DPYSL2: variants seen among roughly 807,000 people sequenced by gnomAD.
The protein encoded by DPYSL2 is dihydropyrimidinase-related protein 2.
A neutral mutation model predicts 69.9 loss-of-function variants in DPYSL2; 13 were observed. That is an observed-to-expected ratio of 0.19 (90% CI 0.12 to 0.30). DPYSL2 has a LOEUF of 0.30. Among genes scored for constraint, DPYSL2 ranks in the 10% least tolerant of loss-of-function variants. The pLI, the probability that DPYSL2 is intolerant of heterozygous loss-of-function variation, is 1.00. For missense variants in DPYSL2, 587 were observed against 918.9 expected (o/e 0.64, Z 4.67); for synonymous variants, 326 against 359.1 (o/e 0.91, Z 1.04).
In DPYSL2 at chr8:26,653,766, C is replaced by T. The variant is rs1459254600; in HGVS notation, c.1942+369C>T. Among the ~76,000 whole-genome samples the T allele has an allele frequency of 6.6e-6, 1 of 152,076 alleles. No homozygotes were observed. The highest frequency in any genetic ancestry group is 1.5e-5 in the Non-Finnish European group (1 of 68,022). ...AGAGACGGAGTATCACCATGTTGGC[C>T]AGGCTGATAGAACTCCTGACTTCAG... On this transcript the variant is annotated intron_variant, in intron 13 of 13. Transcript: ENST00000521913. This position sits in a 1 kb window ranked among gnomAD's most constrained non-coding sequence, Gnocchi z 5.7.
chr8:26,622,819 T>C (rs1186368217), intron 3 of DPYSL2, among the ~76,000 whole-genome samples: 1 of 152,232 alleles, frequency 6.6e-6, no homozygotes, highest in East Asian at 1.9e-4. Context: ...GATCAGAATT[T>C]AGCAGTATCT....
Position 26,643,257 on chromosome 8 carries a change from G to T in DPYSL2, c.1127-182G>T. On this transcript the variant is annotated intron_variant, in intron 8 of 13. Coordinates refer to ENST00000521913, the MANE Select transcript of DPYSL2 (RefSeq NM_001197293.3). This position sits in a 1 kb window ranked among gnomAD's most constrained non-coding sequence, Gnocchi z 6.5. ...TGGAATCTTGGGGAGCTCATGACAG[G>T]CTGGCAGAGGTACTGAATTTCTCCA... The T allele has an allele frequency of 1.7e-6, 1 of 575,158 alleles. No individual in the cohort carries two copies. Among genetic ancestry groups the T allele is most frequent in the South Asian group, 3.0e-5 (1 of 33,810 alleles). The allele number at this position is 575,158 out of a possible 1,614,324, so 35.6% of individuals were successfully genotyped here.
intron 1 of DPYSL2, among the ~76,000 whole-genome samples, chr8:26,534,230 G>C (rs2117615050): frequency 6.6e-6 from 1 of 152,136 alleles, no homozygotes; most frequent in South Asian, 2.1e-4. Context: ...ACTCATGCTG[G>C]ATTGCAGTAG....
chr8:26,568,943 T>C (rs1368635971), intron 1 of DPYSL2, among the ~76,000 whole-genome samples: 1 of 152,160 alleles, frequency 6.6e-6, no homozygotes, highest in Non-Finnish European at 1.5e-5. Context: ...TGAGGCTTGA[T>C]GCTTCCCAAG....
intron 1 of DPYSL2, among the ~76,000 whole-genome samples, chr8:26,554,538 AT>A (rs761159867): frequency 6.6e-6 from 1 of 151,758 alleles, no homozygotes; most frequent in Non-Finnish European, 1.5e-5. Flanking sequence ...CCATATGTCA[AT>A]TTTTGCTTTT....
chr8:26,558,851 T>C (rs1205262731), intron 1 of DPYSL2, among the ~76,000 whole-genome samples: 3 of 152,246 alleles, frequency 2.0e-5, no homozygotes, highest in Non-Finnish European at 4.4e-5. Context: ...TAATACTATG[T>C]TGCACACATT....
Position 26,565,771 on chromosome 8 carries a change from G to C in DPYSL2, c.355-16198G>C, listed in dbSNP as rs1437233662. On this transcript the variant is annotated intron_variant, in intron 1 of 13. Coordinates refer to ENST00000521913, the MANE Select transcript of DPYSL2 (RefSeq NM_001197293.3). This position sits in a 1 kb window ranked among gnomAD's most constrained non-coding sequence, Gnocchi z 4.1. ...TGTTGAGTGGGCAGAGAAAGGTACA[G>C]GGTCCCCGCTCCATGCAATTAACTG... Among the ~76,000 whole-genome samples the C allele has an allele frequency of 6.6e-6, 1 of 152,158 alleles. No homozygotes were observed. The highest frequency in any genetic ancestry group is 1.5e-5 in the Non-Finnish European group (1 of 68,030).
rs1327888393 is a variant in DPYSL2 at position 26,580,269 on chromosome 8, C to G, written c.355-1700C>G. On this transcript the variant is annotated intron_variant, in intron 1 of 13. Coordinates refer to ENST00000521913, the MANE Select transcript of DPYSL2 (RefSeq NM_001197293.3). The surrounding 1 kb of genome is among the most constrained non-coding windows in gnomAD (Gnocchi z 4.1). ...GGAGAGAAGTGGAGGTCATTGTAGA[C>G]AGAGGACAAGTGCACTGATTTGAGT... Among the ~76,000 whole-genome samples, 1 of 152,152 alleles carries G rather than the reference C, an allele frequency of 6.6e-6. No homozygotes were observed. Among genetic ancestry groups the G allele is most frequent in the Non-Finnish European group, 1.5e-5 (1 of 68,024 alleles).
chr8:26,619,748 G>C lies in DPYSL2; in HGVS notation c.629-4395G>C, dbSNP rs1161725753. 2 of 152,402 alleles carry C rather than the reference G, an allele frequency of 1.3e-5. No individual in the cohort carries two copies. Among genetic ancestry groups the C allele is most frequent in the Admixed American group, 1.3e-4 (2 of 15,270 alleles). 9.4% of individuals were successfully genotyped at this position (152,402 alleles called of 1,614,324 possible). On this transcript the variant is annotated intron_variant, in intron 3 of 13. Coordinates refer to ENST00000521913, the MANE Select transcript of DPYSL2 (RefSeq NM_001197293.3). This position sits in a 1 kb window ranked among gnomAD's most constrained non-coding sequence, Gnocchi z 4.8. ...TTTTATGTTATTTTTTTGAGACAGG[G>C]TCTTGCTGTGTTGCCCAGGCTGGTC...
chr8:26,616,559 C>T (rs945692326), intron 3 of DPYSL2, among the ~76,000 whole-genome samples: 3 of 152,144 alleles, frequency 2.0e-5, no homozygotes, highest in African/African-American at 4.8e-5. Context: ...AGAATGAGGC[C>T]GTGACTATTT....
intron 1 of DPYSL2, among the ~76,000 whole-genome samples, chr8:26,543,675 C>T (rs1413136001): frequency 6.6e-6 from 1 of 152,164 alleles, no homozygotes; most frequent in Non-Finnish European, 1.5e-5. Context: ...TTAGTAGAGA[C>T]AGTGTTTCAC....
Position 26,602,138 on chromosome 8 carries a change from ATTTTTTT to A in DPYSL2, c.628+18170_628+18176del, listed in dbSNP as rs374443692. Among the ~76,000 whole-genome samples the A allele has an allele frequency of 9.2e-4, 124 of 135,302 alleles. 1 individual carries two copies. Among genetic ancestry groups the A allele is most frequent in the African/African-American group, 3.3e-3 (121 of 36,610 alleles). 88.8% of individuals were successfully genotyped at this position (135,302 alleles called of 152,430 possible). The stretch of plus-strand genomic sequence containing the variant: ...TTATAAATTTTATAAAACAAAGGAA[ATTTTTTT>A]TTTTTTTTTTTTTTATGTTGAGGGA... On this transcript the variant is annotated intron_variant, in intron 3 of 13. Transcript: ENST00000521913.
In DPYSL2 at chr8:26,658,140, A is replaced by G. The variant is rs1054394912; in HGVS notation, c.*2434A>G. On this transcript the variant is annotated 3_prime_UTR_variant, in exon 14 of 14. Transcript: ENST00000521913. This position sits in a 1 kb window ranked among gnomAD's most constrained non-coding sequence, Gnocchi z 4.7. ...CTTAAGAACTCTGTGTTATATTACCATGGAACGCCTAATAAAGCAAAATGT... is the reference window on the plus strand; with the variant it reads ...CTTAAGAACTCTGTGTTATATTACCGTGGAACGCCTAATAAAGCAAAATGT... 11 of 152,544 alleles carry G rather than the reference A, an allele frequency of 7.2e-5. No homozygotes were observed. The highest frequency in any genetic ancestry group is 2.4e-4 in the African/African-American group (10 of 41,408). 9.4% of individuals were successfully genotyped at this position (152,544 alleles called of 1,614,324 possible). A position where few individuals can be genotyped will look rare whatever the true frequency, so the allele number is the denominator to read the frequency against.
At position 26,643,354 on chromosome 8, in the gene DPYSL2, G is replaced by T. The variant is rs1803094106; in HGVS notation, c.1127-85G>T. 2 of 1,440,820 alleles carry T rather than the reference G, an allele frequency of 1.4e-6. No individual in the cohort carries two copies. The highest frequency in any genetic ancestry group is 4.7e-5 in the Admixed American group (2 of 42,826). 89.3% of individuals were successfully genotyped at this position (1,440,820 alleles called of 1,614,324 possible). A position where few individuals can be genotyped will look rare whatever the true frequency, so the allele number is the denominator to read the frequency against. ...AGGGATAGTGAGTGCACTGGGTGCT[G>T]CTGGGCAGGCAGTGGCTCCTCATAG... On this transcript the variant is annotated intron_variant, in intron 8 of 13. Coordinates refer to ENST00000521913, the MANE Select transcript of DPYSL2 (RefSeq NM_001197293.3). This position sits in a 1 kb window ranked among gnomAD's most constrained non-coding sequence, Gnocchi z 6.5.
rs114872034 is a variant in DPYSL2, at chr8:26,572,197, G to A, written c.355-9772G>A. On this transcript the variant is annotated intron_variant, in intron 1 of 13. Transcript: ENST00000521913. ...TTGCACTAACGCAGAGACCCAGGGC[G>A]CCACAGAAGCAGAAATGGCTACTCT... is the stretch of plus-strand genomic sequence containing the variant. 1.6e-3 allele frequency among the ~76,000 whole-genome samples: 249 copies of A among 152,316 alleles called. 1 individual carries two copies. The highest frequency in any genetic ancestry group is 5.7e-3 in the African/African-American group (235 of 41,564).
At chr8:26,551,381 G>T (rs1800871985) in intron 1 of DPYSL2, among the ~76,000 whole-genome samples, 1 of 152,176 alleles carries the variant, frequency 6.6e-6, no homozygotes, top group South Asian at 2.1e-4. Flanking sequence ...TCTCCAAGAA[G>T]ATATAACAAT....
rs1410000254 is a variant in DPYSL2, at chr8:26,565,010, G to A, written c.355-16959G>A. On this transcript the variant is annotated intron_variant, in intron 1 of 13. Transcript: ENST00000521913. The surrounding 1 kb of genome is among the most constrained non-coding windows in gnomAD (Gnocchi z 4.1). ...CATAGCTTAGCTCCCTCTTATAAGT[G>A]AGAACATACAGTGTTTAGTTTTCCA... Among the ~76,000 whole-genome samples the A allele has an allele frequency of 2.6e-5, 4 of 152,088 alleles. No homozygotes were observed. Among genetic ancestry groups the A allele is most frequent in the Non-Finnish European group, 5.9e-5 (4 of 68,036 alleles).
Position 26,581,985 on chromosome 8 carries a change from T to A in DPYSL2, c.371T>A (p.Ile124Asn). The A allele has an allele frequency of 6.2e-7, 1 of 1,614,008 alleles. No individual in the cohort carries two copies. The highest frequency in any genetic ancestry group is 1.3e-5 in the African/African-American group (1 of 75,060). Reference sequence around the variant, plus strand: ...TTGTTTCAGAGCGATCGTCTTCTGATCAAAGGAGGTAAAATTGTTAATGAT... The same window carrying A: ...TTGTTTCAGAGCGATCGTCTTCTGAACAAAGGAGGTAAAATTGTTAATGAT... ...NINDQSDRLL[I>N]KGGKIVNDDQ... The change falls in exon 2 of 14, where the codon ATC (isoleucine) becomes AAC (asparagine). Residue 124 changes from isoleucine (I) to asparagine (N), a missense_variant. Around this residue, in one of 3 missense-constraint regions of DPYSL2, gnomAD observed 452 missense variants for 754.3 expected, o/e 0.60. Transcript: ENST00000521913.
Position 26,580,407 on chromosome 8 carries a change from G to A in DPYSL2, c.355-1562G>A, listed in dbSNP as rs1248866711. On this transcript the variant is annotated intron_variant, in intron 1 of 13. Transcript: ENST00000521913. This position sits in a 1 kb window ranked among gnomAD's most constrained non-coding sequence, Gnocchi z 4.1. ...TCTTTCGAGGCTCTGATGTCATGATGTGCACGGCTTTGTAAAGGTCTTTAC... is the reference window on the plus strand; with the variant it reads ...TCTTTCGAGGCTCTGATGTCATGATATGCACGGCTTTGTAAAGGTCTTTAC... Among the ~76,000 whole-genome samples the A allele has an allele frequency of 2.0e-5, 3 of 152,184 alleles. No individual in the cohort carries two copies. Among genetic ancestry groups the A allele is most frequent in the Non-Finnish European group, 4.4e-5 (3 of 68,030 alleles).
Sources: allele counts gnomAD v4.1 joint callset (sites outside exome capture counted in the v4.1 genomes callset), GRCh38; gene constraint gnomAD v4.1.1; regional missense constraint gnomAD v4.1.1; non-coding constraint Gnocchi (gnomAD v3.1); transcripts MANE v1.5; gene names NCBI Gene and HGNC (gene_info 2026-07-23, HGNC 2026-07-21).